SKP2: variants seen among roughly 807,000 people sequenced by gnomAD.
SKP2 encodes the protein S-phase kinase-associated protein 2.
SKP2 carries 16 observed loss-of-function variants against 51.8 expected under a neutral mutation model. The observed-to-expected ratio is 0.31, with a 90% CI of 0.21 to 0.47. SKP2 has a LOEUF of 0.47. SKP2 is among the 20% of genes least tolerant of loss of function. The pLI is 1.00. For synonymous variants in SKP2, 176 were observed against 198.6 expected (o/e 0.89, Z 0.96); for missense variants, 377 against 505.3 (o/e 0.75, Z 2.43).
At chr5:36,171,508 A>C in intron 6 of SKP2, 95 bp from the exon 7 acceptor site, 102 of 1,023,132 alleles carry the variant, frequency 1.0e-4, no homozygotes, top group Non-Finnish European at 1.3e-4. Context: ...ATGATAAGGA[A>C]TCCATGGTTT....
intron 7 of SKP2, chr5:36,193,343 G>A (rs911075550): frequency 6.6e-6 from 1 of 152,078 alleles, no homozygotes; most frequent in Non-Finnish European, 1.5e-5. Context: ...AGGCATAGTG[G>A]TGCCTGCCTG....
intron 9 of SKP2, among the ~76,000 whole-genome samples, chr5:36,181,437 G>A (rs189767546): frequency 6.6e-5 from 10 of 152,138 alleles, no homozygotes; most frequent in African/African-American, 9.7e-5. Flanking sequence ...AACTGGTGCC[G>A]CAGTAAAACA....
intron 6 of SKP2, among the ~76,000 whole-genome samples, chr5:36,190,858 TA>T (rs35276495): frequency 6.6e-6 from 1 of 152,160 alleles, no homozygotes; most frequent in South Asian, 2.1e-4. Flanking sequence ...TATATACCTC[TA>T]AAAGTTAGGG....
chr5:36,178,521 C>A (rs193173357), intron 9 of SKP2, among the ~76,000 whole-genome samples: 1 of 152,006 alleles, frequency 6.6e-6, no homozygotes, highest in Non-Finnish European at 1.5e-5. Flanking sequence ...GATTTACTTT[C>A]CCAGCTCTCA....
rs558653674 is a variant in SKP2, at chr5:36,192,253, T to C, written c.633-368T>C. ...CAAGAATAAAATGCCTTTGAAAAAA[T>C]AAAATTGAACTATTCTTTAGTTAGA... On this transcript the variant is annotated intron_variant, in intron 6 of 7. Transcript: ENST00000677886. Among the ~76,000 whole-genome samples, 206 of 152,238 alleles carry C rather than the reference T, an allele frequency of 1.4e-3. 1 individual carries two copies. The highest frequency in any genetic ancestry group is 4.8e-3 in the African/African-American group (198 of 41,556).
intron 2 of SKP2, among the ~76,000 whole-genome samples, chr5:36,157,568 CTGTT>C (rs1280664207): frequency 6.6e-6 from 1 of 152,148 alleles, no homozygotes; most frequent in South Asian, 2.1e-4. Context: ...ATGGCACAAT[CTGTT>C]TGTAGTTCCC....
At chr5:36,185,376 G>A (rs1018021995), downstream of SKP2, among the ~76,000 whole-genome samples, 2 of 152,070 alleles carry the variant, frequency 1.3e-5, no homozygotes, top group Non-Finnish European at 2.9e-5. Flanking sequence ...TTTCTTCTAG[G>A]GTTTTTATGG....
intron 9 of SKP2, chr5:36,177,512 G>A: frequency 1.7e-6 from 1 of 602,664 alleles, no homozygotes; most frequent in Admixed American, 2.2e-5. Context: ...GCTGTAAGCA[G>A]TTTTAATTAC....
intron 2 of SKP2, among the ~76,000 whole-genome samples, chr5:36,158,595 TCTC>T (rs781700206): frequency 4.6e-5 from 7 of 152,050 alleles, no homozygotes; most frequent in Non-Finnish European, 1.0e-4. Flanking sequence ...TTATTTTCTC[TCTC>T]CTCCTCCACT....
In SKP2 at chr5:36,177,251, A is replaced by G. The variant is rs1321126142; in HGVS notation, c.1020A>G (p.Leu340=). Reference sequence around the variant, plus strand: ...TCCAGCTCAACTACCTCCAACACCTATCACTCAGTCGGTGCTATGATATAA... The same window carrying G: ...TCCAGCTCAACTACCTCCAACACCTGTCACTCAGTCGGTGCTATGATATAA... The part of the protein sequence containing the change: ...EFFQLNYLQH[L]SLSRCYDIIP... The change falls in exon 9 of 10, where the codon CTA becomes CTG. Residue 340 remains leucine (L), a synonymous_variant. Transcript: ENST00000274255. 26 of 1,611,994 alleles carry G rather than the reference A, an allele frequency of 1.6e-5. No homozygotes were observed. Among genetic ancestry groups the G allele is most frequent in the Non-Finnish European group, 2.2e-5 (26 of 1,178,458 alleles).
In SKP2 at chr5:36,161,727, ACTC is replaced by A. The variant is rs535590553; in HGVS notation, c.281-1914_281-1912del. On this transcript the variant is annotated intron_variant, in intron 2 of 9. Coordinates refer to ENST00000274255, the MANE Select transcript of SKP2 (RefSeq NM_005983.4). ...GCCCAGGGCAGCAGGTGTTTGTCAC[ACTC>A]CTCGGTGTTTTTCTCCCTTGTGTCC... Among the ~76,000 whole-genome samples the A allele has an allele frequency of 5.7e-4, 86 of 152,150 alleles. 3 individuals are homozygous for A. In the South Asian group the frequency reaches 0.011, roughly 19 times the overall value.
At chr5:36,162,331 A>G (rs1027374796) in intron 2 of SKP2, among the ~76,000 whole-genome samples, 3 of 152,170 alleles carry the variant, frequency 2.0e-5, no homozygotes, top group Admixed American at 6.5e-5. Flanking sequence ...GAACACGTAC[A>G]CCAGATACTC....
intron 2 of SKP2, among the ~76,000 whole-genome samples, chr5:36,163,026 G>T (rs1034321766): frequency 3.9e-5 from 6 of 152,186 alleles, no homozygotes; most frequent in African/African-American, 1.2e-4. Flanking sequence ...CCGTCCCCAT[G>T]ATTTGATTAC....
chr5:36,156,871 G>A (rs1744966852), intron 2 of SKP2, among the ~76,000 whole-genome samples: 2 of 152,102 alleles, frequency 1.3e-5, no homozygotes, highest in Admixed American at 1.3e-4. Context: ...GTCCTGGCCT[G>A]AGTGAGCCTG....
Position 36,180,325 on chromosome 5 carries a change from G to C in SKP2, c.1062-1493G>C, listed in dbSNP as rs775334515. Reference sequence around the variant, plus strand: ...AAGTATAAGTATCTGTGTATACTGTGATCTTACTTCGACAGTGTTTCTACA... The same window carrying C: ...AAGTATAAGTATCTGTGTATACTGTCATCTTACTTCGACAGTGTTTCTACA... On this transcript the variant is annotated intron_variant, in intron 9 of 9. Coordinates refer to ENST00000274255, the MANE Select transcript of SKP2 (RefSeq NM_005983.4). The C allele has an allele frequency of 8.1e-6, 9 of 1,111,244 alleles. No individual in the cohort carries two copies. In the East Asian group the frequency reaches 4.3e-4, roughly 54 times the overall value. The allele number at this position is 1,111,244 out of a possible 1,614,324, so 68.8% of individuals were successfully genotyped here.
rs958970627 is a variant in SKP2 at position 36,164,180 on chromosome 5, C to A, written c.392+424C>A. Among the ~76,000 whole-genome samples the A allele has an allele frequency of 2.0e-5, 3 of 152,152 alleles. No individual in the cohort carries two copies. The East Asian group carries it at 5.8e-4, about 29-fold the overall frequency. ...CCTCTGCTGCTTACGCTCTGCATGA[C>A]CTGAGTGAGTTAGTTGACACTGCTG... On this transcript the variant is annotated intron_variant, in intron 3 of 9. Transcript: ENST00000274255.
At chr5:36,180,235 A>G (rs1745762353) in intron 9 of SKP2, 10 of 1,340,994 alleles carry the variant, frequency 7.5e-6, no homozygotes, top group Admixed American at 3.8e-5. Context: ...AGTAATTACA[A>G]CGTTTCCCAA....
intron 2 of SKP2, among the ~76,000 whole-genome samples, chr5:36,157,032 T>G (rs1744972863): frequency 6.6e-6 from 1 of 152,228 alleles, no homozygotes; most frequent in Non-Finnish European, 1.5e-5. Context: ...ATATTTTCTA[T>G]TCTGTTCTAG....
At chr5:36,167,607 G>A (rs1247176646) in intron 4 of SKP2, among the ~76,000 whole-genome samples, 1 of 88,428 alleles carries the variant, frequency 1.1e-5, no homozygotes, top group Non-Finnish European at 3.8e-5. Flanking sequence ...CTCAAATTTG[G>A]CCTCCCTTTT....
Sources: allele counts gnomAD v4.1 joint callset (sites outside exome capture counted in the v4.1 genomes callset), GRCh38; gene constraint gnomAD v4.1.1; transcripts MANE v1.5; gene names NCBI Gene and HGNC (gene_info 2026-07-23, HGNC 2026-07-21).